The following SGCD variants were observed in gnomAD, a reference collection of about 807,000 sequenced individuals.
SGCD encodes sarcoglycan delta, also known as delta-sarcoglycan.
In SGCD, 18 loss-of-function variants were observed where a neutral mutation model predicts 36.6. That is an observed-to-expected ratio of 0.49 (90% CI 0.34 to 0.73). The LOEUF is 0.73. Among genes scored for constraint, SGCD ranks in the 30% least tolerant of loss-of-function variants. The pLI, the probability that SGCD is intolerant of heterozygous loss-of-function variation, is 0.01. For synonymous variants in SGCD, 133 were observed against 130.6 expected, an observed-to-expected ratio of 1.02 and a Z score of -0.12; for missense variants, 387 against 346.7, an observed-to-expected ratio of 1.12 and a Z score of -0.92.
intron 3 of SGCD, among the ~76,000 whole-genome samples, chr5:156,502,792 G>C (rs929016469): frequency 6.6e-6 from 1 of 152,220 alleles, no homozygotes; most frequent in Admixed American, 6.5e-5. Flanking sequence ...GTACTTTGAT[G>C]GGTTTCCAAT....
intron 3 of SGCD, among the ~76,000 whole-genome samples, chr5:156,407,556 A>C (rs1283718453): frequency 6.6e-6 from 1 of 152,228 alleles, no homozygotes. Context: ...TTTAAAAGAC[A>C]TTGCCAAAAG....
At chr5:155,823,098 CTATCTAT>C in the SGCD span, among the ~76,000 whole-genome samples, 1 of 151,690 alleles carries the variant, frequency 6.6e-6, no homozygotes, top group Non-Finnish European at 1.5e-5. Flanking sequence ...ATCTATCTAT[CTATCTAT>C]CTATCTATCT....
intron 7 of SGCD, among the ~76,000 whole-genome samples, chr5:156,701,633 G>T (rs1207713033): frequency 6.6e-6 from 1 of 152,140 alleles, no homozygotes; most frequent in Non-Finnish European, 1.5e-5. Flanking sequence ...TGTTTTTAAA[G>T]AATTAGACCA....
intron 3 of SGCD, among the ~76,000 whole-genome samples, chr5:156,267,683 A>C (rs555391399): frequency 3.3e-5 from 5 of 151,378 alleles, no homozygotes; most frequent in Non-Finnish European, 7.3e-5. Flanking sequence ...CAAGAATGAA[A>C]CTGGTTTTTT....
At chr5:155,932,344 G>A (rs991732241) in intron 1 of SGCD, among the ~76,000 whole-genome samples, 4 of 152,238 alleles carry the variant, frequency 2.6e-5, no homozygotes, top group East Asian at 1.9e-4. Flanking sequence ...TCTTGAGCTT[G>A]GATACACTGG....
intron 1 of SGCD, among the ~76,000 whole-genome samples, chr5:156,097,708 G>C (rs1761415180): frequency 6.6e-6 from 1 of 152,054 alleles, no homozygotes; most frequent in Non-Finnish European, 1.5e-5. Context: ...ATTCGTCTTG[G>C]TATTAGCATC....
At chr5:156,585,646 C>T (rs1760461556) in intron 4 of SGCD, among the ~76,000 whole-genome samples, 1 of 152,114 alleles carries the variant, frequency 6.6e-6, no homozygotes, top group African/African-American at 2.4e-5. Context: ...TGAGAGGACC[C>T]ATGGACTATT....
intron 1 of SGCD, among the ~76,000 whole-genome samples, chr5:156,039,773 G>A (rs750874710): frequency 2.9e-4 from 44 of 152,004 alleles, no homozygotes; most frequent in Non-Finnish European, 5.1e-4. Flanking sequence ...TTTCAGCATC[G>A]TGAAAGAGAA....
intron 3 of SGCD, among the ~76,000 whole-genome samples, chr5:156,421,995 C>T (rs1053037747): frequency 6.6e-6 from 1 of 152,054 alleles, no homozygotes; most frequent in Admixed American, 6.6e-5. Context: ...ACCTTCCACC[C>T]ACCAGCTCAG....
chr5:155,854,684 T>A, the SGCD span, among the ~76,000 whole-genome samples: 1 of 152,154 alleles, frequency 6.6e-6, no homozygotes, highest in Non-Finnish European at 1.5e-5. Context: ...AATAAAACTC[T>A]TGTAGTGTGG....
At chr5:156,284,790 C>T (rs1365059963) in intron 3 of SGCD, among the ~76,000 whole-genome samples, 1 of 152,138 alleles carries the variant, frequency 6.6e-6, no homozygotes, top group East Asian at 1.9e-4. Flanking sequence ...TCTCACCACT[C>T]CTATTCAACA....
chr5:156,003,291 T>C (rs1031774175), intron 1 of SGCD, among the ~76,000 whole-genome samples: 15 of 152,354 alleles, frequency 9.8e-5, no homozygotes, highest in African/African-American at 2.9e-4. Flanking sequence ...GTTCATCACT[T>C]AATCCCAGCA....
At chr5:156,099,676 A>C (rs1761472469) in intron 1 of SGCD, among the ~76,000 whole-genome samples, 1 of 152,108 alleles carries the variant, frequency 6.6e-6, no homozygotes, top group Non-Finnish European at 1.5e-5. Context: ...TGGCCTCCCA[A>C]ATTGCTGGGA....
intron 7 of SGCD, among the ~76,000 whole-genome samples, chr5:156,748,452 C>T (rs1306866208): frequency 1.3e-5 from 2 of 151,870 alleles, no homozygotes; most frequent in Admixed American, 1.3e-4. Context: ...TTTAAAATGA[C>T]AGAAAAATGT....
intron 1 of SGCD, among the ~76,000 whole-genome samples, chr5:156,082,164 G>T (rs1054666325): frequency 1.3e-5 from 2 of 151,932 alleles, no homozygotes; most frequent in African/African-American, 2.4e-5. Context: ...TTTCTTTGGT[G>T]GGTCCAGATC....
chr5:156,224,098 A>G (rs1764787405), intron 3 of SGCD, among the ~76,000 whole-genome samples: 3 of 151,936 alleles, frequency 2.0e-5, no homozygotes, highest in Non-Finnish European at 4.4e-5. Context: ...CATTATGCTA[A>G]GTGTTTTATA....
chr5:156,447,550 A>T (rs1167108177), intron 3 of SGCD, among the ~76,000 whole-genome samples: 2 of 152,190 alleles, frequency 1.3e-5, no homozygotes, highest in Non-Finnish European at 2.9e-5. Flanking sequence ...AAATCTGATA[A>T]TGGAAACATA....
the SGCD span, among the ~76,000 whole-genome samples, chr5:155,851,700 A>T: frequency 2.0e-5 from 3 of 152,126 alleles, no homozygotes; most frequent in African/African-American, 7.2e-5. Context: ...CCAAATACAT[A>T]CATCATCCTG....
rs79381766 is a variant in SGCD, at chr5:156,177,373, T to C, written c.-44+53354T>C. On this transcript the variant is annotated intron_variant, in intron 3 of 9. Coordinates refer to the SGCD transcript ENST00000517913. ...ATCAAGGTAAATCTTTTCTAAATGG[T>C]AGAGATATTAATATTTAAAATGGAA... is the stretch of plus-strand genomic sequence containing the variant. Among the ~76,000 whole-genome samples the C allele has an allele frequency of 9.2e-3, 1,393 of 152,222 alleles. 14 individuals carry two copies. Among genetic ancestry groups the C allele is most frequent in the African/African-American group, 0.032 (1,341 of 41,514 alleles).
Sources: allele counts gnomAD v4.1 joint callset (sites outside exome capture counted in the v4.1 genomes callset), GRCh38; gene constraint gnomAD v4.1.1; transcripts MANE v1.5; gene names NCBI Gene and HGNC (gene_info 2026-07-23, HGNC 2026-07-21).